Variants in TRPM3 observed in about 807,000 individuals in gnomAD.
The protein encoded by TRPM3 is transient receptor potential cation channel subfamily M member 3, also known as long transient receptor potential channel 3.
In TRPM3, 77 loss-of-function variants were observed where a neutral mutation model predicts 181.2. The observed-to-expected ratio is 0.42, with a 90% CI of 0.35 to 0.51. The LOEUF (loss-of-function observed/expected upper bound fraction) is 0.51, where lower values mean the gene tolerates loss of function less well. Among genes scored for constraint, TRPM3 ranks in the 20% least tolerant of loss-of-function variants. TRPM3 has a pLI of 0.01. For synonymous variants in TRPM3, 745 were observed against 796.4 expected (o/e 0.94, Z 1.09); for missense variants, 1,759 against 2,196.7 (o/e 0.80, Z 3.98).
At chr9:70,582,185 T>C (rs62545472) in intron 22 of TRPM3, among the ~76,000 whole-genome samples, 4 of 130,350 alleles carry the variant, frequency 3.1e-5, no homozygotes, top group African/African-American at 5.8e-5. Flanking sequence ...CCTGTGCGTG[T>C]GTGTGTGTGT....
In TRPM3 at chr9:71,387,503, A is replaced by C. The variant is rs529272842; in HGVS notation, c.183+59150T>G. Among the ~76,000 whole-genome samples the C allele has an allele frequency of 3.0e-3, 464 of 152,308 alleles. 2 individuals carry two copies. Among genetic ancestry groups the C allele is most frequent in the Non-Finnish European group, 5.7e-3 (385 of 68,014 alleles). Reference sequence around the variant, plus strand: ...AACTGCCTATGAAGAGATTTCTTGAAGTATAATAAAATGGAAGACTTTGAA... The same window carrying C: ...AACTGCCTATGAAGAGATTTCTTGACGTATAATAAAATGGAAGACTTTGAA... On this transcript the variant is annotated intron_variant, in intron 1 of 24. Transcript: ENST00000357533.
At chr9:71,310,031 A>C (rs963065385) in intron 1 of TRPM3, among the ~76,000 whole-genome samples, 1 of 152,130 alleles carries the variant, frequency 6.6e-6, no homozygotes, top group Admixed American at 6.6e-5. Flanking sequence ...CAAAAATCCT[A>C]AACTATGAAT....
At chr9:71,334,314 A>C (rs1420959719) in intron 1 of TRPM3, among the ~76,000 whole-genome samples, 2 of 151,790 alleles carry the variant, frequency 1.3e-5, no homozygotes, top group Non-Finnish European at 2.9e-5. Flanking sequence ...GCAGAGGAAA[A>C]CCTAAGGGAT....
intron 18 of TRPM3, among the ~76,000 whole-genome samples, chr9:70,612,507 C>G (rs1466547395): frequency 6.6e-6 from 1 of 152,214 alleles, no homozygotes; most frequent in African/African-American, 2.4e-5. Context: ...CTACTTGGTT[C>G]ATTACCTCAA....
rs558066554 is a variant in TRPM3, at chr9:70,673,356, G to T, written c.1345+8150C>A. Among the ~76,000 whole-genome samples, 4 of 152,106 alleles carry T rather than the reference G, an allele frequency of 2.6e-5. No individual in the cohort carries two copies. The East Asian group carries it at 7.8e-4, about 29-fold the overall frequency. ...GGACCACCAAGAAACAAGTGCATTTGAGGAAGCTTGATCTGCAAGTCAGAA... is the reference window on the plus strand; with the variant it reads ...GGACCACCAAGAAACAAGTGCATTTTAGGAAGCTTGATCTGCAAGTCAGAA... On this transcript the variant is annotated intron_variant, in intron 9 of 25. Coordinates refer to ENST00000677713, the MANE Select transcript of TRPM3 (RefSeq NM_001366145.2).
intron 1 of TRPM3, among the ~76,000 whole-genome samples, chr9:71,346,867 A>C (rs1020310469): frequency 8.2e-6 from 1 of 122,438 alleles, no homozygotes; most frequent in African/African-American, 3.2e-5. Flanking sequence ...CACGACAGAG[A>C]ATCTGTTTCG....
intron 1 of TRPM3, among the ~76,000 whole-genome samples, chr9:71,351,053 C>A (rs190043563): frequency 1.3e-5 from 2 of 152,276 alleles, no homozygotes; most frequent in African/African-American, 4.8e-5. Context: ...AAGAGTGTGA[C>A]AGGATCTGAT....
At chr9:71,338,441 C>T (rs1347516081) in intron 1 of TRPM3, among the ~76,000 whole-genome samples, 1 of 152,092 alleles carries the variant, frequency 6.6e-6, no homozygotes, top group East Asian at 1.9e-4. Context: ...AAATATGACT[C>T]AGTCTAGAGA....
intron 1 of TRPM3, among the ~76,000 whole-genome samples, chr9:71,117,302 C>A (rs1014465777): frequency 6.6e-6 from 1 of 152,004 alleles, no homozygotes; most frequent in Non-Finnish European, 1.5e-5. Flanking sequence ...GCCTCTCCCT[C>A]CCCCCTAGTT....
chr9:71,009,731 A>G (rs539128671), intron 1 of TRPM3, among the ~76,000 whole-genome samples: 1 of 152,130 alleles, frequency 6.6e-6, no homozygotes, highest in Non-Finnish European at 1.5e-5. Context: ...TAGAAAAAAA[A>G]TAAATTCATA....
chr9:70,781,326 T>TAAAAAAAAAAAAAAAAAAAAA (rs35173071), intron 7 of TRPM3, among the ~76,000 whole-genome samples: 50 of 106,082 alleles, frequency 4.7e-4, no homozygotes, highest in South Asian at 7.1e-4. Context: ...TTCCATTTCA[T>TAAAAAAAAAAAAAAAAAAAAA]AAAAAAAAAA....
At chr9:71,139,166 C>T (rs1430713099) in intron 1 of TRPM3, among the ~76,000 whole-genome samples, 2 of 152,122 alleles carry the variant, frequency 1.3e-5, no homozygotes. Context: ...CACCACAATT[C>T]ATGTTGTAAC....
chr9:70,845,166 A>G (rs1214070058), intron 4 of TRPM3, among the ~76,000 whole-genome samples: 2 of 152,204 alleles, frequency 1.3e-5, no homozygotes, highest in South Asian at 2.1e-4. Context: ...GGTATTTAAG[A>G]GAATTCTCAG....
chr9:70,759,828 T>C (rs1169052734), intron 8 of TRPM3, among the ~76,000 whole-genome samples: 2 of 151,880 alleles, frequency 1.3e-5, no homozygotes, highest in African/African-American at 2.4e-5. Context: ...CACCAGGGCC[T>C]CTCAGGGGGT....
At chr9:70,657,632 A>T (rs997162811) in intron 9 of TRPM3, among the ~76,000 whole-genome samples, 27 of 152,186 alleles carry the variant, frequency 1.8e-4, no homozygotes, top group African/African-American at 2.9e-4. Flanking sequence ...AGATTAAAAA[A>T]TTTTTTTTAA....
At chr9:71,436,061 A>T (rs1318927734) in intron 1 of TRPM3, among the ~76,000 whole-genome samples, 1 of 152,138 alleles carries the variant, frequency 6.6e-6, no homozygotes, top group East Asian at 1.9e-4. Context: ...GAGATAATTG[A>T]ATCATGGGGG....
intron 1 of TRPM3, among the ~76,000 whole-genome samples, chr9:71,411,864 T>C (rs2093555940): frequency 6.6e-6 from 1 of 152,154 alleles, no homozygotes; most frequent in Non-Finnish European, 1.5e-5. Flanking sequence ...AAGGCTACAG[T>C]AACCAAAACA....
intron 1 of TRPM3, among the ~76,000 whole-genome samples, chr9:71,002,452 T>C (rs1012403787): frequency 2.6e-5 from 4 of 152,220 alleles, no homozygotes; most frequent in Admixed American, 1.3e-4. Context: ...TCAGAAGAAA[T>C]GAAAGACCGA....
intron 1 of TRPM3, among the ~76,000 whole-genome samples, chr9:71,444,301 G>A (rs2094176024): frequency 6.6e-6 from 1 of 151,058 alleles, no homozygotes; most frequent in Non-Finnish European, 1.5e-5. Context: ...GCAGAGAAGA[G>A]AGTAACAAAT....
Sources: allele counts gnomAD v4.1 joint callset (sites outside exome capture counted in the v4.1 genomes callset), GRCh38; gene constraint gnomAD v4.1.1; transcripts MANE v1.5; gene names NCBI Gene and HGNC (gene_info 2026-07-23, HGNC 2026-07-21).